Variants in SLC12A1 observed in about 807,000 individuals in gnomAD.
SLC12A1 encodes the protein solute carrier family 12 member 1.
SLC12A1 carries 89 observed loss-of-function variants against 130.4 expected under a neutral mutation model. The ratio of observed to expected loss-of-function variants is 0.68; its 90% CI spans 0.58 to 0.81. SLC12A1 has a LOEUF of 0.81. Among genes scored for constraint, SLC12A1 ranks in the 40% least tolerant of loss-of-function variants. The pLI is 0.00. For missense variants in SLC12A1, 1,310 were observed against 1,336.4 expected, an observed-to-expected ratio of 0.98 and a Z score of 0.31; for synonymous variants, 499 against 460.0, an observed-to-expected ratio of 1.08 and a Z score of -1.09.
chr15:48,255,629 T>C (rs796447994), intron 15 of SLC12A1, among the ~76,000 whole-genome samples, 182 bp from the exon 16 acceptor site: 7 of 152,340 alleles, frequency 4.6e-5, no homozygotes, highest in African/African-American at 1.7e-4. Flanking sequence ...ATTCACGTAG[T>C]ATTCATAGAA....
At chr15:48,221,420 A>C in intron 4 of SLC12A1, 1 of 697,046 alleles carries the variant, frequency 1.4e-6, no homozygotes, top group Middle Eastern at 2.3e-4. Flanking sequence ...TGACCTGACT[A>C]ATAAAAATGC....
intron 2 of SLC12A1, among the ~76,000 whole-genome samples, chr15:48,216,703 A>C (rs999754158): frequency 1.3e-5 from 2 of 152,210 alleles, no homozygotes; most frequent in African/African-American, 2.4e-5. Flanking sequence ...AAATAAATAG[A>C]TCTCCTAACA....
Position 48,282,868 on chromosome 15 carries a change from A to G in SLC12A1, c.2486-2238A>G, listed in dbSNP as rs1010273362. 2.6e-5 allele frequency among the ~76,000 whole-genome samples: 4 copies of G among 152,310 alleles called. No individual in the cohort carries two copies. The South Asian group carries it at 8.3e-4, about 32-fold the overall frequency. ...AGTAATAATAATAAGCCACAGGAGG[A>G]AGGTCTTCATGGTGGGAAGCATATG... is the stretch of plus-strand genomic sequence containing the variant. On this transcript the variant is annotated intron_variant, in intron 20 of 26. Transcript: ENST00000380993.
At chr15:48,224,743 CTTTTCTTGTATCTACTT>C (rs2041262096) in intron 4 of SLC12A1, 3 of 152,190 alleles carry the variant, frequency 2.0e-5, no homozygotes, top group African/African-American at 7.2e-5. Flanking sequence ...GGATCGAGAG[CTTTTCTTGTATCTACTT>C]TTTTTCGGTT....
At position 48,255,823 on chromosome 15, in the gene SLC12A1, G is replaced by C. The variant is rs372741953; in HGVS notation, c.1955G>C (p.Gly652Ala). 6.2e-7 allele frequency: 1 copy of C among 1,604,612 alleles called. No homozygotes were observed. The highest frequency in any genetic ancestry group is 1.3e-5 in the African/African-American group (1 of 74,754). The change falls in exon 16 of 27, where the codon GGC becomes GCC. Residue 652 changes from glycine to alanine, a missense_variant. By Grantham distance (60) the Gly-to-Ala change is moderately conservative. Coordinates refer to ENST00000380993, the MANE Select transcript of SLC12A1 (RefSeq NM_000338.3). ...VTCKKPDVNW[G>A]SSTQALSYVS... is the part of the protein sequence containing the mutation. ...CCTTTATCCACAGATGTGAACTGGG[G>C]CTCCTCCACACAGGCTCTTTCCTAC...
chr15:48,286,384 T>G (rs2042060195), intron 21 of SLC12A1, among the ~76,000 whole-genome samples: 1 of 152,228 alleles, frequency 6.6e-6, no homozygotes, highest in South Asian at 2.1e-4. Context: ...TGAAGCTACA[T>G]CAGGACTTTT....
intron 10 of SLC12A1, among the ~76,000 whole-genome samples, chr15:48,244,368 C>G (rs1248195823): frequency 6.6e-6 from 1 of 152,188 alleles, no homozygotes; most frequent in Non-Finnish European, 1.5e-5. Flanking sequence ...CCCCTTGGCT[C>G]TCTTGCAGAT....
Position 48,259,244 on chromosome 15 carries a change from C to G in SLC12A1, c.2087C>G (p.Ala696Gly). The part of the protein sequence containing the change: ...VLTGGPMTRP[A>G]LLDITHAFTK... ...ACAGGGGGACCCATGACAAGACCTG[C>G]TCTCCTGGACATAACTCACGCCTTT... Residue 696 changes from alanine (A) to glycine (G), a missense_variant, in exon 17 of 27, where the codon GCT becomes GGT. By Grantham distance (60) the Ala-to-Gly change is moderately conservative. Transcript: ENST00000380993. The G allele has an allele frequency of 6.2e-7, 1 of 1,613,874 alleles. No individual in the cohort carries two copies. The highest frequency in any genetic ancestry group is 8.5e-7 in the Non-Finnish European group (1 of 1,179,798).
chr15:48,254,868 A>G (rs868321294), intron 15 of SLC12A1, among the ~76,000 whole-genome samples: 4 of 151,842 alleles, frequency 2.6e-5, no homozygotes, highest in East Asian at 2.0e-4. Flanking sequence ...AGCTTGCAGT[A>G]AGCCCAGATC....
chr15:48,207,176 C>T (rs1207866022), intron 1 of SLC12A1, among the ~76,000 whole-genome samples: 1 of 152,166 alleles, frequency 6.6e-6, no homozygotes, highest in Non-Finnish European at 1.5e-5. Flanking sequence ...TTAGTACTGT[C>T]AGTGAACTGT....
intron 17 of SLC12A1, among the ~76,000 whole-genome samples, chr15:48,263,514 C>T (rs1050866350): frequency 7.2e-5 from 11 of 151,910 alleles, no homozygotes; most frequent in African/African-American, 1.9e-4. Context: ...AGATCAAAAT[C>T]GTTTGATACT....
Position 48,248,869 on chromosome 15 carries a change from C to T in SLC12A1, c.1685-706C>T, listed in dbSNP as rs191305708. Among the ~76,000 whole-genome samples, 9 of 152,234 alleles carry T rather than the reference C, an allele frequency of 5.9e-5. No homozygotes were observed. In the East Asian group the frequency reaches 1.7e-3, roughly 29 times the overall value. On this transcript the variant is annotated intron_variant, in intron 13 of 26. Transcript: ENST00000380993. The stretch of plus-strand genomic sequence containing the variant: ...GACCAGTGCAGCCTGCATAGTGAAA[C>T]CTTGTCTCTACTAAAACTACAAAAA...
rs189691314 is a variant in SLC12A1, at chr15:48,288,021, A to T, written c.2630-22A>T. Reference sequence around the variant, plus strand: ...TCTGCCCTCAAAAGCAAACAGATGCATCAATTCCTCTTTCGTTTCAGATGG... The same window carrying T: ...TCTGCCCTCAAAAGCAAACAGATGCTTCAATTCCTCTTTCGTTTCAGATGG... On this transcript the variant is annotated intron_variant, in intron 21 of 26. Transcript: ENST00000380993. 4,101 of 1,604,352 alleles carry T rather than the reference A, an allele frequency of 2.6e-3. 168 individuals are homozygous for T. In the Admixed American group the frequency reaches 0.065, roughly 26 times the overall value.
intron 17 of SLC12A1, among the ~76,000 whole-genome samples, chr15:48,263,592 T>C (rs2041798831): frequency 6.6e-6 from 1 of 152,132 alleles, no homozygotes; most frequent in South Asian, 2.1e-4. Flanking sequence ...CTTTTCCTAA[T>C]TAATGACTGT....
chr15:48,302,343 G>A (rs1354636787), intron 26 of SLC12A1, among the ~76,000 whole-genome samples: 2 of 151,930 alleles, frequency 1.3e-5, no homozygotes, highest in Admixed American at 6.6e-5. Context: ...GCTGCCGGCC[G>A]GGCGCGGTGG....
chr15:48,288,974 GC>G (rs1288013034), intron 23 of SLC12A1, among the ~76,000 whole-genome samples: 1 of 152,032 alleles, frequency 6.6e-6, no homozygotes, highest in East Asian at 1.9e-4. Context: ...CTGGGTTCTA[GC>G]CCCAGCTCTG....
intron 16 of SLC12A1, among the ~76,000 whole-genome samples, chr15:48,256,436 G>A (rs546047915): frequency 6.6e-6 from 1 of 152,106 alleles, no homozygotes; most frequent in Admixed American, 6.5e-5. Flanking sequence ...AAAAGGACAG[G>A]GGGACTGTAT....
At chr15:48,296,807 C>T (rs991826305) in intron 24 of SLC12A1, among the ~76,000 whole-genome samples, 5 of 151,646 alleles carry the variant, frequency 3.3e-5, no homozygotes, top group Middle Eastern at 3.2e-3. Context: ...TCTTGAGCTA[C>T]GTCAGGATCC....
chr15:48,215,226 A>C (rs1201125405), intron 2 of SLC12A1, among the ~76,000 whole-genome samples: 1 of 152,180 alleles, frequency 6.6e-6, no homozygotes, highest in Non-Finnish European at 1.5e-5. Flanking sequence ...AAAATAATTT[A>C]ATCTTTCATT....
Sources: allele counts gnomAD v4.1 joint callset (sites outside exome capture counted in the v4.1 genomes callset), GRCh38; gene constraint gnomAD v4.1.1; transcripts MANE v1.5; gene names NCBI Gene and HGNC (gene_info 2026-07-23, HGNC 2026-07-21).